The following RIPOR3 variants were observed in gnomAD, a reference collection of about 807,000 sequenced individuals.
The protein encoded by RIPOR3 is family with sequence similarity 65 member C.
Under a neutral mutation model 114.3 loss-of-function variants are expected in RIPOR3, and 95 were observed. That is an observed-to-expected ratio of 0.83 (90% CI 0.70 to 0.99). The LOEUF is 0.99. RIPOR3 is among the 50% of genes least tolerant of loss of function. The probability of loss-of-function intolerance (pLI) is 0.00; values close to 1 mark genes in which losing one functional copy is unlikely to be tolerated. For missense variants in RIPOR3, 1,252 were observed against 1,266.9 expected, an observed-to-expected ratio of 0.99 and a Z score of 0.18; for synonymous variants, 575 against 543.8, an observed-to-expected ratio of 1.06 and a Z score of -0.80.
chr20:50,666,413 TG>T (rs1568945742), intron 1 of RIPOR3, among the ~76,000 whole-genome samples: 2 of 150,574 alleles, frequency 1.3e-5, no homozygotes, highest in African/African-American at 4.9e-5. Context: ...TTAGTAGAGA[TG>T]GGGTTTCGCC....
intron 1 of RIPOR3, among the ~76,000 whole-genome samples, chr20:50,648,203 G>A (rs935542266): frequency 6.6e-6 from 1 of 151,920 alleles, no homozygotes; most frequent in Non-Finnish European, 1.5e-5. Context: ...CTGAACCTGG[G>A]AGGCAGAGGT....
chr20:50,608,691 G>A lies in RIPOR3; in HGVS notation c.732C>T (p.Ile244=), dbSNP rs755541088. Residue 244 remains isoleucine, a synonymous_variant, in exon 10 of 22, where the codon ATC becomes ATT. Coordinates refer to ENST00000327979, the MANE Select transcript of RIPOR3 (RefSeq NM_001290268.2). The part of the protein sequence containing the change: ...GRQRWKLKGR[I]ESDDSQTWDE... Reference sequence around the variant, plus strand: ...CCCAGGTCTGGCTGTCATCTGACTCGATCCGACCCTTGAGCTTCCAACGCT... The same window carrying A: ...CCCAGGTCTGGCTGTCATCTGACTCAATCCGACCCTTGAGCTTCCAACGCT... The A allele has an allele frequency of 1.9e-5, 31 of 1,613,906 alleles. No homozygotes were observed. The highest frequency in any genetic ancestry group is 1.6e-4 in the Middle Eastern group (1 of 6,084).
chr20:50,627,749 G>A (rs906081942), intron 2 of RIPOR3, among the ~76,000 whole-genome samples: 1 of 152,162 alleles, frequency 6.6e-6, no homozygotes, highest in Non-Finnish European at 1.5e-5. Context: ...ATGCTGCAGT[G>A]AATCGAGATC....
chr20:50,654,422 GTTTTTTTTT>G (rs34825514), intron 1 of RIPOR3, among the ~76,000 whole-genome samples: 14 of 56,116 alleles, frequency 2.5e-4, no homozygotes, highest in Non-Finnish European at 4.1e-4. Context: ...AGGAGGCAGA[GTTTTTTTTT>G]TTTTTTTTTT....
intron 1 of RIPOR3, among the ~76,000 whole-genome samples, chr20:50,650,160 G>T (rs974088167): frequency 6.6e-6 from 1 of 152,052 alleles, no homozygotes. Context: ...TCATCCCCAC[G>T]TGGAGGGAAG....
At position 50,593,167 on chromosome 20, in the gene RIPOR3, T is replaced by G. The variant is rs1277113342; in HGVS notation, c.2242A>C (p.Ser748Arg). Residue 748 changes from serine (S) to arginine (R), a missense_variant, in exon 18 of 22, where the codon AGC (serine) becomes CGC (arginine). By Grantham distance (110) the Ser-to-Arg change is moderately radical (BLOSUM62 -1). Coordinates refer to ENST00000327979, the MANE Select transcript of RIPOR3 (RefSeq NM_001290268.2). ...GCTCCGGGGAGCAGCCCACCACAGC[T>G]GACCACCTGCTCCAGGAGCCTGCGG... ...ACRRLLEQVVSCGGLLPGAGL... is the reference protein window; with the variant it reads ...ACRRLLEQVVRCGGLLPGAGL... 6.2e-7 allele frequency: 1 copy of G among 1,613,488 alleles called. No homozygotes were observed. The highest frequency in any genetic ancestry group is 8.5e-7 in the Non-Finnish European group (1 of 1,180,008).
At chr20:50,593,530 C>T (rs2083182744) in intron 17 of RIPOR3, among the ~76,000 whole-genome samples, 1 of 152,004 alleles carries the variant, frequency 6.6e-6, no homozygotes. Context: ...AAGATTGCGC[C>T]ACTGCATTCC....
intron 1 of RIPOR3, among the ~76,000 whole-genome samples, chr20:50,654,485 C>T (rs890539536): frequency 5.0e-5 from 6 of 120,798 alleles, no homozygotes; most frequent in Admixed American, 1.2e-4. Context: ...GGCTGGAGTG[C>T]AGTGGCGCAA....
At chr20:50,587,961 G>A in intron 20 of RIPOR3, 69 bp from the exon 21 acceptor site, 2 of 1,408,102 alleles carry the variant, frequency 1.4e-6, no homozygotes, top group Non-Finnish European at 2.0e-6. Flanking sequence ...TCCACTTAGT[G>A]GCCCTGCAGG....
At chr20:50,587,994 G>C (rs1360037245) in intron 20 of RIPOR3, 102 bp from the exon 21 acceptor site, 15 of 1,075,964 alleles carry the variant, frequency 1.4e-5, no homozygotes, top group Non-Finnish European at 1.9e-5. Context: ...ATGGTCTCTG[G>C]GGCCTCAGCC....
intron 1 of RIPOR3, among the ~76,000 whole-genome samples, chr20:50,667,482 C>T (rs572841368): frequency 2.6e-5 from 4 of 151,974 alleles, no homozygotes; most frequent in East Asian, 1.9e-4. Context: ...TCAGTAGAGA[C>T]GGGGTTTCAC....
intron 4 of RIPOR3, among the ~76,000 whole-genome samples, chr20:50,611,873 C>T (rs2083991022): frequency 6.6e-6 from 1 of 152,136 alleles, no homozygotes. Flanking sequence ...CCTGTAATCC[C>T]AGCACTTTGG....
chr20:50,641,638 C>T (rs1207902605), intron 1 of RIPOR3, among the ~76,000 whole-genome samples: 2 of 152,230 alleles, frequency 1.3e-5, no homozygotes, highest in African/African-American at 4.8e-5. Context: ...TTCCAGCCAT[C>T]CTGGGAATCT....
intron 16 of RIPOR3, chr20:50,595,026 T>C (rs1378571764): frequency 8.2e-6 from 4 of 487,740 alleles, no homozygotes; most frequent in Non-Finnish European, 1.5e-5. Flanking sequence ...GGATCACAGC[T>C]ACTGTTTGAC....
rs1225871544 is a variant in RIPOR3 at position 50,587,391 on chromosome 20, C to T, written c.2753-59G>A. 3 of 1,469,850 alleles carry T rather than the reference C, an allele frequency of 2.0e-6. No individual in the cohort carries two copies. The African/African-American group carries it at 4.2e-5, about 20-fold the overall frequency. The allele number at this position is 1,469,850 out of a possible 1,614,324, so 91.1% of individuals were successfully genotyped here. On this transcript the variant is annotated intron_variant, in intron 21 of 21. Transcript: ENST00000327979. ...ATCCTGCCTTGGCACTTCCAACTCT[C>T]CTGGGCCAGGGTGGCCCTAGTGCTT...
intron 1 of RIPOR3, among the ~76,000 whole-genome samples, chr20:50,643,050 A>G (rs1221514004): frequency 1.3e-5 from 2 of 151,186 alleles, no homozygotes; most frequent in African/African-American, 2.4e-5. Context: ...CTCCATCTCA[A>G]AAAAAAAACC....
intron 1 of RIPOR3, among the ~76,000 whole-genome samples, chr20:50,648,190 T>G (rs1408756650): frequency 6.6e-6 from 1 of 151,750 alleles, no homozygotes; most frequent in Non-Finnish European, 1.5e-5. Context: ...GCAGGAGAAT[T>G]GCCTGAACCT....
At chr20:50,660,749 C>CTT (rs58201824) in intron 1 of RIPOR3, among the ~76,000 whole-genome samples, 1,459 of 83,230 alleles carry the variant, frequency 0.018, 58 homozygotes, top group African/African-American at 0.05. Flanking sequence ...TGGGATTTAC[C>CTT]TTTTTTTTTT....
intron 2 of RIPOR3, among the ~76,000 whole-genome samples, chr20:50,625,070 G>T (rs6020643): frequency 0.14 from 19,145 of 136,704 alleles, 1,406 homozygotes; most frequent in African/African-American, 0.24. Flanking sequence ...CAGTGCTTTT[G>T]TTTTTTTTTT....
Sources: allele counts gnomAD v4.1 joint callset (sites outside exome capture counted in the v4.1 genomes callset), GRCh38; gene constraint gnomAD v4.1.1; transcripts MANE v1.5; gene names NCBI Gene and HGNC (gene_info 2026-07-23, HGNC 2026-07-21).